FAF1: variants seen among roughly 807,000 people sequenced by gnomAD.
The protein encoded by FAF1 is FAS-associated factor 1.
In FAF1, 25 loss-of-function variants were observed where a neutral mutation model predicts 92.5. That is an observed-to-expected ratio of 0.27 (90% CI 0.20 to 0.38). The LOEUF is 0.38. Ranked by LOEUF, FAF1 falls within the 10% of genes least tolerant of loss-of-function variation. The pLI, the probability that FAF1 is intolerant of heterozygous loss-of-function variation, is 1.00. For synonymous variants in FAF1, 234 were observed against 273.2 expected (o/e 0.86, Z 1.42); for missense variants, 636 against 793.3 (o/e 0.80, Z 2.38).
At chr1:50,862,118 C>T (rs780458292) in intron 1 of FAF1, among the ~76,000 whole-genome samples, 1 of 150,110 alleles carries the variant, frequency 6.7e-6, no homozygotes, top group Non-Finnish European at 1.5e-5. Flanking sequence ...AAAAAAAACA[C>T]ATGGGAATGA....
intron 1 of FAF1, among the ~76,000 whole-genome samples, chr1:50,932,440 C>T (rs1437865680): frequency 1.3e-5 from 2 of 152,216 alleles, no homozygotes; most frequent in Admixed American, 6.5e-5. Context: ...TGAAATCCAG[C>T]GGGGCAGTTA....
intron 7 of FAF1, among the ~76,000 whole-genome samples, chr1:50,656,187 G>C (rs780436591): frequency 1.3e-5 from 2 of 151,846 alleles, no homozygotes; most frequent in Non-Finnish European, 2.9e-5. Flanking sequence ...CAAAAAATTA[G>C]CCAGGCGTGG....
chr1:50,947,278 A>G (rs1645178735), intron 1 of FAF1, among the ~76,000 whole-genome samples: 1 of 152,250 alleles, frequency 6.6e-6, no homozygotes, highest in Admixed American at 6.5e-5. Context: ...TCATTAAAGA[A>G]TCCAGGGAGC....
At chr1:50,812,428 CTT>C (rs1350010520) in intron 2 of FAF1, among the ~76,000 whole-genome samples, 3 of 152,238 alleles carry the variant, frequency 2.0e-5, no homozygotes, top group African/African-American at 7.2e-5. Flanking sequence ...TGATCAAACA[CTT>C]TTCAAAAGAA....
At position 50,858,352 on chromosome 1, in the gene FAF1, C is replaced by T. The variant is rs142753919; in HGVS notation, c.46-355G>A. On this transcript the variant is annotated intron_variant, in intron 1 of 18. Transcript: ENST00000396153. ...CAAATGAATTTCAACCCATACCATG[C>T]ACTTTATATAAAAACTAACTCAAAA... Among the ~76,000 whole-genome samples the T allele has an allele frequency of 5.7e-4, 86 of 151,960 alleles. No individual in the cohort carries two copies. The Middle Eastern group carries it at 0.014, about 24-fold the overall frequency.
chr1:50,466,831 G>A (rs774568271), intron 18 of FAF1, among the ~76,000 whole-genome samples: 1 of 152,082 alleles, frequency 6.6e-6, no homozygotes, highest in East Asian at 1.9e-4. Context: ...AGCCAGTCTG[G>A]TCTACACTCT....
intron 2 of FAF1, among the ~76,000 whole-genome samples, chr1:50,804,436 A>G (rs1483960304): frequency 6.6e-6 from 1 of 152,168 alleles, no homozygotes. Context: ...TAAAAATAAA[A>G]ATGTAAAGGA....
chr1:50,690,039 A>AG (rs1458081482), intron 7 of FAF1, among the ~76,000 whole-genome samples: 1 of 128,882 alleles, frequency 7.8e-6, no homozygotes, highest in East Asian at 2.2e-4. Context: ...TCTGTCACCC[A>AG]GGCTGGAGTG....
chr1:50,542,205 T>C (rs1289039162), intron 13 of FAF1, among the ~76,000 whole-genome samples: 1 of 152,206 alleles, frequency 6.6e-6, no homozygotes, highest in Non-Finnish European at 1.5e-5. Context: ...CTTCCTAAAA[T>C]ATGAATTATG....
chr1:50,504,071 A>C (rs1054371337), intron 15 of FAF1, among the ~76,000 whole-genome samples: 1 of 152,258 alleles, frequency 6.6e-6, no homozygotes, highest in Non-Finnish European at 1.5e-5. Flanking sequence ...TTAGAAAATA[A>C]ATGATTAATA....
intron 14 of FAF1, among the ~76,000 whole-genome samples, chr1:50,535,720 A>AT (rs1648444192): frequency 6.6e-6 from 1 of 152,216 alleles, no homozygotes; most frequent in African/African-American, 2.4e-5. Flanking sequence ...TTAGCACTAT[A>AT]TAGAAGAATG....
chr1:50,479,550 CT>C (rs986737829), intron 17 of FAF1, among the ~76,000 whole-genome samples: 1 of 152,186 alleles, frequency 6.6e-6, no homozygotes, highest in African/African-American at 2.4e-5. Flanking sequence ...TTTTCGCCTA[CT>C]TTAAATCAGA....
At chr1:50,636,114 C>T (rs1481567799) in intron 8 of FAF1, among the ~76,000 whole-genome samples, 1 of 152,116 alleles carries the variant, frequency 6.6e-6, no homozygotes, top group Admixed American at 6.5e-5. Flanking sequence ...GTTAAGGTCT[C>T]AGATCAACAT....
At chr1:50,678,375 GTC>G (rs1557470588) in intron 7 of FAF1, among the ~76,000 whole-genome samples, 1 of 152,186 alleles carries the variant, frequency 6.6e-6, no homozygotes, top group East Asian at 1.9e-4. Flanking sequence ...ATATCACACA[GTC>G]TTAAGTTATC....
intron 1 of FAF1, among the ~76,000 whole-genome samples, chr1:50,918,497 C>G (rs1644938248): frequency 2.2e-5 from 1 of 45,116 alleles, no homozygotes. Flanking sequence ...CCAATTTCAT[C>G]CATGTCCCTA....
rs867912183 is a variant in FAF1, at chr1:50,919,844, C to T, written c.45+39923G>A. ...ATTAAGAGGAACTGTGATAAGTAAACCATGTATGTTGTAATCTCTAGAACA... is the reference window on the plus strand; with the variant it reads ...ATTAAGAGGAACTGTGATAAGTAAATCATGTATGTTGTAATCTCTAGAACA... On this transcript the variant is annotated intron_variant, in intron 1 of 18. Transcript: ENST00000396153. 3.7e-4 allele frequency among the ~76,000 whole-genome samples: 56 copies of T among 152,128 alleles called. 1 individual carries two copies. The Middle Eastern group carries it at 0.017, about 46-fold the overall frequency.
At chr1:50,785,589 T>A (rs1268883478) in intron 4 of FAF1, among the ~76,000 whole-genome samples, 1 of 150,560 alleles carries the variant, frequency 6.6e-6, no homozygotes, top group Non-Finnish European at 1.5e-5. Context: ...CCACTTCACA[T>A]CTTTTAGGAT....
At chr1:50,801,102 C>G (rs780081482) in intron 3 of FAF1, among the ~76,000 whole-genome samples, 2 of 152,216 alleles carry the variant, frequency 1.3e-5, no homozygotes, top group African/African-American at 4.8e-5. Flanking sequence ...TAACACAAAA[C>G]CTCTAAAACC....
intron 8 of FAF1, among the ~76,000 whole-genome samples, chr1:50,651,113 T>C (rs1334978162): frequency 6.6e-6 from 1 of 152,210 alleles, no homozygotes; most frequent in African/African-American, 2.4e-5. Flanking sequence ...AGACTCAAGA[T>C]TATAAAAGAA....
Sources: gnomAD v4.1 joint callset for allele counts (sites outside exome capture counted in the v4.1 genomes callset) on GRCh38, gnomAD v4.1.1 for gene constraint, MANE v1.5 for transcripts, NCBI Gene and HGNC (gene_info 2026-07-23, HGNC 2026-07-21) for gene names.